NAPSA: variants seen among roughly 807,000 people sequenced by gnomAD.
NAPSA encodes the protein napsin A aspartic peptidase, also known as napsin-A.
In NAPSA, 37 loss-of-function variants were observed where a neutral mutation model predicts 36.7. The observed-to-expected ratio is 1.01, with a 90% confidence interval of 0.78 to 1.33. The LOEUF is 1.33. Among genes scored for constraint, NAPSA ranks in the 40% most tolerant of loss-of-function variants. NAPSA has a pLI of 0.00. For missense variants in NAPSA, 532 were observed against 543.8 expected (o/e 0.98, Z 0.21); for synonymous variants, 222 against 234.5 (o/e 0.95, Z 0.49).
chr19:50,358,691 G>A lies in NAPSA; in HGVS notation c.1125C>T (p.Asp375=). 6.2e-7 allele frequency: 1 copy of A among 1,613,492 alleles called. No homozygotes were observed. Among genetic ancestry groups the A allele is most frequent in the Non-Finnish European group, 8.5e-7 (1 of 1,180,002 alleles). ...PPAGPFWILG[D]VFLGTYVAVF... is the part of the protein sequence containing the mutation. ...CGGCCACATACGTCCCCAAGAAGAC[G>A]TCACCGAGGATCCAGAAGGGCCCTG... The change falls in exon 9 of 9, where the codon GAC becomes GAT. Residue 375 remains aspartate, a synonymous_variant. Transcript: ENST00000253719.
chr19:50,358,922 G>T, intron 8 of NAPSA, 89 bp downstream of exon 8: 1 of 1,360,308 alleles, frequency 7.4e-7, no homozygotes, highest in Non-Finnish European at 1.0e-6. Context: ...TGTTTCTGTG[G>T]CCCCTTCCCT....
intron 6 of NAPSA, 32 bp from the exon 7 acceptor site, chr19:50,359,679 G>A (rs763697359): frequency 1.2e-6 from 2 of 1,614,186 alleles, no homozygotes; most frequent in Non-Finnish European, 1.7e-6. Context: ...ATCAGAGGCA[G>A]GGTCCTAGGA....
At chr19:50,367,883 T>G (rs571719000), upstream of NAPSA, among the ~76,000 whole-genome samples, 1 of 152,038 alleles carries the variant, frequency 6.6e-6, no homozygotes, top group African/African-American at 2.4e-5. Flanking sequence ...ATCGGCTGGA[T>G]GCGGTAACTC....
At chr19:50,358,978 C>T in intron 8 of NAPSA, 33 bp downstream of exon 8, 2 of 1,568,106 alleles carry the variant, frequency 1.3e-6, no homozygotes, top group South Asian at 1.1e-5. Context: ...CGTCATATGA[C>T]GTCACTATGG....
intron 1 of NAPSA, among the ~76,000 whole-genome samples, chr19:50,364,544 G>C (rs1296315873): frequency 6.9e-6 from 1 of 145,546 alleles, no homozygotes; most frequent in Admixed American, 7.1e-5. Flanking sequence ...GAACCCGGGG[G>C]ACAGAGCTTG....
At chr19:50,365,720 G>A, upstream of NAPSA, 2 of 975,244 alleles carry the variant, frequency 2.1e-6, no homozygotes, top group Non-Finnish European at 3.1e-6. Context: ...TTTAGAAGGA[G>A]ACCAGGACAT....
intron 1 of NAPSA, among the ~76,000 whole-genome samples, chr19:50,365,011 AAAT>A (rs112903812): frequency 0.034 from 4,807 of 140,524 alleles, 255 homozygotes; most frequent in African/African-American, 0.11. Flanking sequence ...TAATAATAAT[AAAT>A]AATAATAATA....
In NAPSA at chr19:50,359,863, C is replaced by T. The variant is rs1486036994; in HGVS notation, c.669-1G>A. 7.4e-6 allele frequency: 12 copies of T among 1,613,840 alleles called. No homozygotes were observed. The highest frequency in any genetic ancestry group is 9.3e-6 in the Non-Finnish European group (11 of 1,179,810). On this transcript the variant is annotated splice_acceptor_variant, in intron 5 of 8. Transcript: ENST00000253719. LOFTEE classifies it high-confidence loss of function. ...TCCTCCATCAGGCTCTTCAGGGTCC[C>T]TGCAGGGGCAGAGTGTAGAGAGTGT...
rs1458421903 is a variant in NAPSA at position 50,362,258 on chromosome 19, A to G, written c.139T>C (p.Trp47Arg). The G allele has an allele frequency of 1.9e-6, 3 of 1,614,064 alleles. No individual in the cohort carries two copies. Among genetic ancestry groups the G allele is most frequent in the African/African-American group, 1.3e-5 (1 of 75,044 alleles). The change falls in exon 2 of 9, where the codon TGG becomes CGG. Residue 47 changes from tryptophan to arginine, a missense_variant. By Grantham distance (101) the Trp-to-Arg change is moderately radical. Transcript: ENST00000253719. ...TTGGGGAGCTCTGCTGGTTCTCTCCATCCCCTCAGTAGGTTCAGGATCCTG... is the reference window on the plus strand; with the variant it reads ...TTGGGGAGCTCTGCTGGTTCTCTCCGTCCCCTCAGTAGGTTCAGGATCCTG... ...GRRILNLLRG[W>R]REPAELPKLG...
Position 50,359,197 on chromosome 19 carries a change from C to G in NAPSA, c.937-88G>C, listed in dbSNP as rs973135690. 42 of 1,195,240 alleles carry G rather than the reference C, an allele frequency of 3.5e-5. 2 individuals carry two copies. In the South Asian group the frequency reaches 5.4e-4, roughly 15 times the overall value. The allele number at this position is 1,195,240 out of a possible 1,614,324, so 74.0% of individuals were successfully genotyped here. A position where few individuals can be genotyped will look rare whatever the true frequency, so the allele number is the denominator to read the frequency against. On this transcript the variant is annotated intron_variant, in intron 7 of 8. Transcript: ENST00000253719. ...CTCCCCAGTGCCATAGGGTAATTTC[C>G]CTATTGAGCACCTGGGTACTCAGCG...
intron 8 of NAPSA, 114 bp from the exon 9 acceptor site, chr19:50,358,894 C>A: frequency 7.5e-7 from 1 of 1,329,914 alleles, no homozygotes; most frequent in South Asian, 1.4e-5. Flanking sequence ...AACAAACTGC[C>A]ATCACAGGGA....
At chr19:50,367,549 C>CCTCTCTCT (rs779681679), upstream of NAPSA, among the ~76,000 whole-genome samples, 1,672 of 133,024 alleles carry the variant, frequency 0.013, 13 homozygotes, top group South Asian at 0.021. Flanking sequence ...TCTCTCTCTC[C>CCTCTCTCT]CTCTCTCTCT....
At chr19:50,361,379 C>T (rs1022925067) in intron 4 of NAPSA, 3 of 590,744 alleles carry the variant, frequency 5.1e-6, no homozygotes, top group Non-Finnish European at 3.0e-6. Context: ...GAAGCCCCAC[C>T]TCTTCACCCA....
At chr19:50,360,836 G>A in intron 5 of NAPSA, 105 bp downstream of exon 5, 1 of 1,128,474 alleles carries the variant, frequency 8.9e-7, no homozygotes. Context: ...GTAAGTGGGT[G>A]ACTCTGAGAA....
chr19:50,360,848 G>T, intron 5 of NAPSA, 93 bp downstream of exon 5: 1 of 1,257,286 alleles, frequency 8.0e-7, no homozygotes, highest in South Asian at 1.4e-5. Context: ...CTCTGAGAAT[G>T]AGAATTCCTG....
intron 1 of NAPSA, among the ~76,000 whole-genome samples, chr19:50,363,471 C>G (rs2037503021): frequency 6.6e-6 from 1 of 152,104 alleles, no homozygotes; most frequent in Non-Finnish European, 1.5e-5. Context: ...GCCTTGATCT[C>G]CAGGGCTCAA....
upstream of NAPSA, among the ~76,000 whole-genome samples, chr19:50,367,890 A>G (rs1274514): frequency 0.36 from 53,932 of 151,874 alleles, 9,894 homozygotes; most frequent in Admixed American, 0.41. Context: ...GGATGCGGTA[A>G]CTCATGCCTG....
chr19:50,361,517 C>T, intron 4 of NAPSA, 146 bp downstream of exon 4: 1 of 730,736 alleles, frequency 1.4e-6, no homozygotes, highest in Non-Finnish European at 2.4e-6. Context: ...CATCCCTTCA[C>T]TCTGAAAGGC....
At chr19:50,363,373 T>C (rs2037501973) in intron 1 of NAPSA, among the ~76,000 whole-genome samples, 1 of 152,022 alleles carries the variant, frequency 6.6e-6, no homozygotes, top group Non-Finnish European at 1.5e-5. Flanking sequence ...ATTGGATTTC[T>C]TTTTCTTCTT....
Sources: allele counts gnomAD v4.1 joint callset (sites outside exome capture counted in the v4.1 genomes callset), GRCh38; gene constraint gnomAD v4.1.1; transcripts MANE v1.5; gene names NCBI Gene and HGNC (gene_info 2026-07-23, HGNC 2026-07-21).